The following PRKAA2 variants were observed in gnomAD, a reference collection of about 807,000 sequenced individuals.
PRKAA2 encodes the protein protein kinase AMP-activated catalytic subunit alpha 2.
A neutral mutation model predicts 56.3 loss-of-function variants in PRKAA2; 40 were observed. That is an observed-to-expected ratio of 0.71 (90% CI 0.55 to 0.92). The LOEUF (loss-of-function observed/expected upper bound fraction) is 0.92, where lower values mean the gene tolerates loss of function less well. Among genes scored for constraint, PRKAA2 ranks in the 40% least tolerant of loss-of-function variants. PRKAA2 has a pLI of 0.00. For missense variants in PRKAA2, 542 were observed against 686.9 expected (o/e 0.79, Z 2.36); for synonymous variants, 214 against 234.2 (o/e 0.91, Z 0.79).
chr1:56,648,559 G>A (rs774913402), intron 1 of PRKAA2, among the ~76,000 whole-genome samples: 7 of 152,044 alleles, frequency 4.6e-5, no homozygotes, highest in South Asian at 2.1e-4. Context: ...ATACACCTTG[G>A]GTAAATAACT....
rs753420724 is a variant in PRKAA2 at position 56,703,990 on chromosome 1, C to G, written c.808C>G (p.Gln270Glu). The G allele has an allele frequency of 1.9e-6, 3 of 1,608,928 alleles. No individual in the cohort carries two copies. The highest frequency in any genetic ancestry group is 2.5e-6 in the Non-Finnish European group (3 of 1,177,434). ...TCCTAGAGAGCATGAATGGTTTAAA[C>G]AAGATTTGCCCAGTTACTTATTTCC... ...KDIREHEWFK[Q>E]DLPSYLFPED... Residue 270 changes from glutamine (Q) to glutamate (E), a missense_variant, in exon 7 of 9, where the codon CAA becomes GAA. Around this residue, in one of 5 missense-constraint regions of PRKAA2, gnomAD observed 198 missense variants for 234.0 expected, o/e 0.85. Coordinates refer to ENST00000371244, the MANE Select transcript of PRKAA2 (RefSeq NM_006252.4).
rs1309387242 is a variant in PRKAA2 at position 56,704,267 on chromosome 1, G to T, written c.1085G>T (p.Gly362Val). The change falls in exon 7 of 9, where the codon GGC becomes GTC. Residue 362 changes from glycine to valine, a missense_variant. By Grantham distance (109) the Gly-to-Val change is moderately radical. Coordinates refer to ENST00000371244, the MANE Select transcript of PRKAA2 (RefSeq NM_006252.4). ...MDDSAMHIPP[G>V]LKPHPERMPP... ...GATAGTGCCATGCATATTCCCCCAG[G>T]CCTGAAACCTCATCCAGAAAGGATG... The T allele has an allele frequency of 1.2e-6, 2 of 1,614,008 alleles. No homozygotes were observed. Among genetic ancestry groups the T allele is most frequent in the Non-Finnish European group, 1.7e-6 (2 of 1,180,004 alleles).
chr1:56,663,743 ATATT>A (rs1029210803), intron 1 of PRKAA2, among the ~76,000 whole-genome samples: 2 of 152,168 alleles, frequency 1.3e-5, no homozygotes, highest in African/African-American at 4.8e-5. Context: ...GGCATGAACA[ATATT>A]TAATTTTTTT....
At chr1:56,666,906 C>G (rs927992616) in intron 1 of PRKAA2, among the ~76,000 whole-genome samples, 8 of 152,098 alleles carry the variant, frequency 5.3e-5, no homozygotes, top group Non-Finnish European at 1.0e-4. Flanking sequence ...TTCCCAATAT[C>G]AGTGGAGCCT....
chr1:56,683,281 ATCTT>A (rs985043895), intron 2 of PRKAA2, among the ~76,000 whole-genome samples: 1 of 152,128 alleles, frequency 6.6e-6, no homozygotes, highest in African/African-American at 2.4e-5. Context: ...ATCATCTATC[ATCTT>A]TATCTCTCCT....
At chr1:56,692,234 AT>A in intron 3 of PRKAA2, 123 bp from the exon 4 acceptor site, 1 of 1,100,988 alleles carries the variant, frequency 9.1e-7, no homozygotes, top group East Asian at 2.4e-5. Context: ...GTTTCACCTT[AT>A]TGGTCAGGCT....
At chr1:56,665,645 A>G (rs915633552) in intron 1 of PRKAA2, among the ~76,000 whole-genome samples, 7 of 152,172 alleles carry the variant, frequency 4.6e-5, no homozygotes, top group Admixed American at 1.3e-4. Flanking sequence ...ACTAATTTAC[A>G]TTCCCTCCAG....
At chr1:56,646,902 GA>G (rs1445991583) in intron 1 of PRKAA2, among the ~76,000 whole-genome samples, 2 of 152,118 alleles carry the variant, frequency 1.3e-5, no homozygotes, top group Non-Finnish European at 2.9e-5. Context: ...ATACAGCAAG[GA>G]AAAAACAGAT....
intron 2 of PRKAA2, among the ~76,000 whole-genome samples, chr1:56,681,914 G>T (rs945604469): frequency 2.0e-5 from 3 of 152,094 alleles, no homozygotes; most frequent in African/African-American, 7.2e-5. Context: ...TAGTTTGATG[G>T]GGATGGCATT....
At chr1:56,675,965 GTAT>G (rs888170724) in intron 2 of PRKAA2, among the ~76,000 whole-genome samples, 1 of 12,238 alleles carries the variant, frequency 8.2e-5, no homozygotes, top group African/African-American at 4.1e-4. Flanking sequence ...TAAAAAAGAA[GTAT>G]TAATAACTGA....
intron 1 of PRKAA2, among the ~76,000 whole-genome samples, chr1:56,650,352 C>G (rs1646677395): frequency 6.6e-6 from 1 of 152,100 alleles, no homozygotes; most frequent in South Asian, 2.1e-4. Flanking sequence ...ATTATATGGG[C>G]TGACAGAGTT....
At chr1:56,694,778 A>G (rs576059608) in intron 5 of PRKAA2, among the ~76,000 whole-genome samples, 1 of 152,228 alleles carries the variant, frequency 6.6e-6, no homozygotes, top group South Asian at 2.1e-4. Context: ...GGGGGTTAGG[A>G]TTTCAACACA....
At chr1:56,681,450 G>A (rs1644154614) in intron 2 of PRKAA2, among the ~76,000 whole-genome samples, 1 of 152,144 alleles carries the variant, frequency 6.6e-6, no homozygotes, top group African/African-American at 2.4e-5. Flanking sequence ...GTCCTGAATG[G>A]TATTGCCTAG....
intron 1 of PRKAA2, among the ~76,000 whole-genome samples, chr1:56,659,222 C>T (rs951427584): frequency 3.3e-5 from 5 of 151,484 alleles, no homozygotes; most frequent in African/African-American, 7.3e-5. Flanking sequence ...TGGCTGGGCA[C>T]GGTGGCTCAT....
chr1:56,648,291 T>C (rs1646660220), intron 1 of PRKAA2, among the ~76,000 whole-genome samples: 1 of 152,220 alleles, frequency 6.6e-6, no homozygotes, highest in Admixed American at 6.5e-5. Context: ...TTTTCTAGGC[T>C]CTTCTTCATA....
At chr1:56,655,260 T>TTATATATATATA (rs1553146913) in intron 1 of PRKAA2, among the ~76,000 whole-genome samples, 1 of 71,738 alleles carries the variant, frequency 1.4e-5, no homozygotes, top group African/African-American at 5.9e-5. Flanking sequence ...ATGTATGTAT[T>TTATATATATATA]TATATATCTA....
At chr1:56,698,145 G>A (rs1644271491) in intron 6 of PRKAA2, among the ~76,000 whole-genome samples, 1 of 145,454 alleles carries the variant, frequency 6.9e-6, no homozygotes, top group African/African-American at 2.6e-5. Flanking sequence ...TTGAACTCCT[G>A]GCCTAAAGCA....
chr1:56,704,327 G>T lies in PRKAA2; in HGVS notation c.1145G>T (p.Cys382Phe). 1 of 1,614,096 alleles carries T rather than the reference G, an allele frequency of 6.2e-7. No homozygotes were observed. ...ATAGCAGACAGCCCCAAAGCAAGAT[G>T]TCCATTGGATGCACTGAATACGACT... ...PLIADSPKAR[C>F]PLDALNTTKP... Residue 382 changes from cysteine (C) to phenylalanine (F), a missense_variant, in exon 7 of 9, where the codon TGT becomes TTT. Transcript: ENST00000371244.
intron 1 of PRKAA2, among the ~76,000 whole-genome samples, chr1:56,672,845 A>G (rs1644087667): frequency 6.6e-6 from 1 of 152,198 alleles, no homozygotes; most frequent in Non-Finnish European, 1.5e-5. Context: ...AAAGAAGGCA[A>G]TAAATGTAAC....
Sources: allele counts gnomAD v4.1 joint callset (sites outside exome capture counted in the v4.1 genomes callset), GRCh38; gene constraint gnomAD v4.1.1; regional missense constraint gnomAD v4.1.1; transcripts MANE v1.5; gene names NCBI Gene and HGNC (gene_info 2026-07-23, HGNC 2026-07-21).